GJC1: variants seen among roughly 807,000 people sequenced by gnomAD.
GJC1 encodes the protein gap junction protein gamma 1.
In GJC1, 5 loss-of-function variants were observed where a neutral mutation model predicts 29.3. That is an observed-to-expected ratio of 0.17 (90% CI 0.09 to 0.36). GJC1 has a LOEUF of 0.36. Ranked by LOEUF, GJC1 falls within the 10% of genes least tolerant of loss-of-function variation. The pLI is 1.00. For synonymous variants in GJC1, 177 were observed against 183.3 expected, an observed-to-expected ratio of 0.97 and a Z score of 0.28; for missense variants, 310 against 496.2, an observed-to-expected ratio of 0.62 and a Z score of 3.56.
chr17:44,822,407 C>T lies in GJC1; in HGVS notation c.-97+7655G>A, dbSNP rs143219216. Among the ~76,000 whole-genome samples, 372 of 151,232 alleles carry T rather than the reference C, an allele frequency of 2.5e-3. 1 individual carries two copies. Among genetic ancestry groups the T allele is most frequent in the African/African-American group, 8.3e-3 (343 of 41,306 alleles). On this transcript the variant is annotated intron_variant, in intron 1 of 2. Coordinates refer to ENST00000592524, the MANE Select transcript of GJC1 (RefSeq NM_005497.4). ...CTATAATCCCAGCACTTTGGGAGGC[C>T]GAGGCGGGTGGATCACCTGAGGTCA...
At chr17:44,814,874 G>A (rs947365037) in intron 1 of GJC1, among the ~76,000 whole-genome samples, 14 of 152,014 alleles carry the variant, frequency 9.2e-5, no homozygotes, top group Non-Finnish European at 8.8e-5. Context: ...CCCGGGGGGC[G>A]GAGGTTGCAG....
At chr17:44,829,680 G>C (rs911121694) in intron 1 of GJC1, 1 of 151,974 alleles carries the variant, frequency 6.6e-6, no homozygotes, top group African/African-American at 2.4e-5. Context: ...GCCCCTAACC[G>C]CCCGGGTAGT....
intron 1 of GJC1, among the ~76,000 whole-genome samples, chr17:44,812,521 C>T (rs969497353): frequency 2.0e-5 from 3 of 152,056 alleles, no homozygotes; most frequent in African/African-American, 7.2e-5. Flanking sequence ...AACAAACACA[C>T]ACAAAAAAAC....
downstream of GJC1, among the ~76,000 whole-genome samples, chr17:44,796,740 A>T (rs190994777): frequency 1.2e-3 from 187 of 152,220 alleles, no homozygotes; most frequent in African/African-American, 4.2e-3. Context: ...TAAAAGATTT[A>T]AAAAAATGAA....
chr17:44,796,949 C>T (rs1476328321), downstream of GJC1, among the ~76,000 whole-genome samples: 3 of 152,070 alleles, frequency 2.0e-5, no homozygotes, highest in South Asian at 4.2e-4. Flanking sequence ...GGCGGTCAAC[C>T]GATCTTCCTG....
rs147366572 is a variant in GJC1 at position 44,805,203 on chromosome 17, C to T, written c.615G>A (p.Pro205=). The T allele has an allele frequency of 3.3e-5, 54 of 1,614,002 alleles. No homozygotes were observed. In the African/African-American group the frequency reaches 3.5e-4, roughly 10 times the overall value. ...AAGGAAGTCTGCTGCACACATAAAA[C>T]GGGTGGACTTGGAAGCCATACAGAA... The part of the protein sequence containing the change: ...QYFLYGFQVH[P]FYVCSRLPCP... The change falls in exon 3 of 3, where the codon CCG becomes CCA. Residue 205 remains proline, a synonymous_variant. Coordinates refer to ENST00000592524, the MANE Select transcript of GJC1 (RefSeq NM_005497.4). This position sits in a 1 kb window ranked among gnomAD's most constrained non-coding sequence, Gnocchi z 5.1.
rs1303420227 is a variant in GJC1 at position 44,805,907 on chromosome 17, A to G, written c.-20-70T>C. 14 of 719,588 alleles carry G rather than the reference A, an allele frequency of 1.9e-5. No individual in the cohort carries two copies. The highest frequency in any genetic ancestry group is 2.8e-5 in the Non-Finnish European group (12 of 436,138). The allele number at this position is 719,588 out of a possible 1,614,324, so 44.6% of individuals were successfully genotyped here. On this transcript the variant is annotated intron_variant, in intron 2 of 2. Transcript: ENST00000592524. The surrounding 1 kb of genome is among the most constrained non-coding windows in gnomAD (Gnocchi z 5.1). Reference sequence around the variant, plus strand: ...AATCTTAATTTAATTACTAATTATGATATCTCTAGGAACTACTGCTTTGAA... The same window carrying G: ...AATCTTAATTTAATTACTAATTATGGTATCTCTAGGAACTACTGCTTTGAA...
downstream of GJC1, among the ~76,000 whole-genome samples, chr17:44,797,393 A>C (rs1413689436): frequency 6.6e-6 from 1 of 152,176 alleles, no homozygotes; most frequent in Non-Finnish European, 1.5e-5. Context: ...CATTCCTGTT[A>C]CTTCTAACAA....
chr17:44,800,994 G>C lies in GJC1; in HGVS notation c.*3633C>G, dbSNP rs1304604820. The C allele has an allele frequency of 3.3e-5, 5 of 151,848 alleles. No individual in the cohort carries two copies. Among genetic ancestry groups the C allele is most frequent in the African/African-American group, 7.3e-5 (3 of 41,310 alleles). 9.4% of individuals were successfully genotyped at this position (151,848 alleles called of 1,614,324 possible). ...TTCTGAATAACGGGTTTTAAGAGCA[G>C]GCCAGGCGCGGTGGCTCACGCCTGT... On this transcript the variant is annotated 3_prime_UTR_variant, in exon 3 of 3. Transcript: ENST00000592524.
At chr17:44,830,834 T>C (rs868112089), upstream of GJC1, 8 of 397,050 alleles carry the variant, frequency 2.0e-5, no homozygotes, top group Middle Eastern at 1.3e-3. The surrounding 1 kb of genome is among the most constrained non-coding windows in gnomAD (Gnocchi z 4.3). Context: ...TTTCAGGTCC[T>C]GAACTTCTCG....
In GJC1 at chr17:44,809,544, T is replaced by G. The variant is rs977445647; in HGVS notation, c.-96-2075A>C. Among the ~76,000 whole-genome samples, 5 of 152,026 alleles carry G rather than the reference T, an allele frequency of 3.3e-5. No homozygotes were observed. The East Asian group carries it at 9.7e-4, about 29-fold the overall frequency. ...AGTTAGAACTAACTCATCTGTTATA[T>G]CTCCATCCACAAAGATAAATGTGTA... is the stretch of plus-strand genomic sequence containing the variant. On this transcript the variant is annotated intron_variant, in intron 1 of 2. Coordinates refer to ENST00000592524, the MANE Select transcript of GJC1 (RefSeq NM_005497.4).
intron 1 of GJC1, among the ~76,000 whole-genome samples, chr17:44,826,252 G>T (rs2050175139): frequency 6.6e-6 from 1 of 152,134 alleles, no homozygotes; most frequent in South Asian, 2.1e-4. Flanking sequence ...TAAAATGCTG[G>T]CCGGGCACGG....
intron 1 of GJC1, among the ~76,000 whole-genome samples, chr17:44,810,700 C>G (rs2145319664): frequency 6.6e-6 from 1 of 152,278 alleles, no homozygotes; most frequent in Middle Eastern, 3.4e-3. Context: ...AGGTCTTCAG[C>G]TCTGATCAGT....
At chr17:44,796,802 AATACACACACACACACACAC>A (rs1338406324), downstream of GJC1, among the ~76,000 whole-genome samples, 1 of 42,664 alleles carries the variant, frequency 2.3e-5, no homozygotes, top group South Asian at 9.0e-4. Context: ...ATGGATCTAA[AATACACACACACACACACAC>A]ATACACACAC....
chr17:44,805,877 T>C lies in GJC1; in HGVS notation c.-20-40A>G. 1 of 875,362 alleles carries C rather than the reference T, an allele frequency of 1.1e-6. No individual in the cohort carries two copies. The highest frequency in any genetic ancestry group is 1.8e-5 in the South Asian group (1 of 56,224). 54.2% of individuals were successfully genotyped at this position (875,362 alleles called of 1,614,324 possible). A position where few individuals can be genotyped will look rare whatever the true frequency, so the allele number is the denominator to read the frequency against. On this transcript the variant is annotated intron_variant, in intron 2 of 2. Transcript: ENST00000592524. The surrounding 1 kb of genome is among the most constrained non-coding windows in gnomAD (Gnocchi z 5.1). ...AAAATACCAAAATAAAATCAACAAA[T>C]ATTAAATCTTAATTTAATTACTAAT...
chr17:44,815,974 G>A (rs1028232893), intron 1 of GJC1, among the ~76,000 whole-genome samples: 3 of 151,646 alleles, frequency 2.0e-5, no homozygotes, highest in Non-Finnish European at 4.4e-5. Context: ...TTAGCCAGAC[G>A]TGGTGGCGGG....
At chr17:44,820,211 C>T (rs1369960097) in intron 1 of GJC1, among the ~76,000 whole-genome samples, 1 of 152,166 alleles carries the variant, frequency 6.6e-6, no homozygotes, top group Non-Finnish European at 1.5e-5. Flanking sequence ...ATCCGTCTGC[C>T]TCAGCCTCCC....
downstream of GJC1, among the ~76,000 whole-genome samples, chr17:44,796,247 C>T (rs997335440): frequency 6.6e-6 from 1 of 152,226 alleles, no homozygotes; most frequent in African/African-American, 2.4e-5. Context: ...CCCTTCCCCC[C>T]TTCCATATCA....
At chr17:44,818,066 A>C (rs1273762962) in intron 1 of GJC1, among the ~76,000 whole-genome samples, 1 of 152,040 alleles carries the variant, frequency 6.6e-6, no homozygotes, top group East Asian at 1.9e-4. Flanking sequence ...TAGAAAAATT[A>C]GCCAGGCGTG....
Sources: allele counts gnomAD v4.1 joint callset (sites outside exome capture counted in the v4.1 genomes callset), GRCh38; gene constraint gnomAD v4.1.1; non-coding constraint Gnocchi (gnomAD v3.1); transcripts MANE v1.5; gene names NCBI Gene and HGNC (gene_info 2026-07-23, HGNC 2026-07-21).